The following ADAM12 variants were observed in gnomAD, a reference collection of about 807,000 sequenced individuals.
ADAM12 encodes ADAM metallopeptidase domain 12.
ADAM12 carries 70 observed loss-of-function variants against 106.4 expected under a neutral mutation model. That is an observed-to-expected ratio of 0.66 (90% CI 0.54 to 0.80). The LOEUF (loss-of-function observed/expected upper bound fraction) is 0.80. Among genes scored for constraint, ADAM12 ranks in the 30% least tolerant of loss-of-function variants. The pLI is 0.00. For missense variants in ADAM12, 1,010 were observed against 1,171.9 expected, an observed-to-expected ratio of 0.86 and a Z score of 2.02; for synonymous variants, 420 against 433.5, an observed-to-expected ratio of 0.97 and a Z score of 0.39.
intron 1 of ADAM12, among the ~76,000 whole-genome samples, 157 bp downstream of exon 1, chr10:126,387,901 G>C (rs1044918254): frequency 6.8e-6 from 1 of 146,146 alleles, no homozygotes; most frequent in African/African-American, 2.6e-5. Flanking sequence ...GGGGGGGGGG[G>C]TCGGTCTCGC....
At chr10:126,187,336 A>C (rs79857938) in intron 3 of ADAM12, among the ~76,000 whole-genome samples, 1 of 151,692 alleles carries the variant, frequency 6.6e-6, no homozygotes, top group Non-Finnish European at 1.5e-5. Context: ...TAAAAAAAAA[A>C]CAAATTTAAT....
intron 3 of ADAM12, among the ~76,000 whole-genome samples, chr10:126,213,314 G>A (rs975791930): frequency 9.2e-5 from 14 of 152,310 alleles, no homozygotes; most frequent in Admixed American, 9.2e-4. Context: ...GAGGGGATGT[G>A]CATATGGTTC....
intron 2 of ADAM12, among the ~76,000 whole-genome samples, chr10:126,319,832 A>G (rs984267486): frequency 3.3e-5 from 5 of 152,332 alleles, no homozygotes; most frequent in South Asian, 2.1e-4. Context: ...TTGTTCTTAT[A>G]TAAAAAGCTT....
Position 126,101,196 on chromosome 10 carries a change from C to A in ADAM12, c.787G>T (p.Val263Leu), listed in dbSNP as rs781010835. The A allele has an allele frequency of 5.8e-5, 94 of 1,614,100 alleles. No individual in the cohort carries two copies. The highest frequency in any genetic ancestry group is 7.6e-5 in the Non-Finnish European group (90 of 1,180,046). ...NIRIVLVGVE[V>L]WNDMDKCSVS... is the part of the protein sequence containing the mutation. ...GAGCATTTGTCCATGTCATTCCACA[C>A]TTCCACGCCTACCAACACGATCCGA... Residue 263 changes from valine (V) to leucine (L), a missense_variant, in exon 9 of 23, where the codon GTG becomes TTG. Physicochemically the swap from Val to Leu is conservative, Grantham distance 32. Around this residue, in one of 3 missense-constraint regions of ADAM12, gnomAD observed 391 missense variants for 442.9 expected, o/e 0.88. Coordinates refer to ENST00000448723, the MANE Select transcript of ADAM12 (RefSeq NM_001288973.2).
At chr10:126,214,941 C>A (rs1201554898) in intron 3 of ADAM12, among the ~76,000 whole-genome samples, 6 of 152,214 alleles carry the variant, frequency 3.9e-5, no homozygotes, top group Admixed American at 2.6e-4. Context: ...ACCTTGGTGA[C>A]TCTCATCCAC....
intron 2 of ADAM12, among the ~76,000 whole-genome samples, chr10:126,283,183 T>G (rs1212815624): frequency 6.6e-6 from 1 of 152,126 alleles, no homozygotes; most frequent in South Asian, 2.1e-4. Context: ...GAGGCGGAAC[T>G]CAGGCAGTGA....
At chr10:126,217,778 C>A (rs1281587600) in intron 3 of ADAM12, among the ~76,000 whole-genome samples, 1 of 151,296 alleles carries the variant, frequency 6.6e-6, no homozygotes, top group East Asian at 2.0e-4. Context: ...TCGAGACCAG[C>A]CTGGCCAACA....
chr10:126,296,952 G>C (rs1023943240), intron 2 of ADAM12, among the ~76,000 whole-genome samples: 7 of 152,234 alleles, frequency 4.6e-5, no homozygotes, highest in African/African-American at 1.7e-4. Context: ...CAAGCTGGTA[G>C]CTGCCAGGGG....
rs57968562 is a variant in ADAM12, at chr10:126,275,357, C to T, written c.260+3558G>A. On this transcript the variant is annotated intron_variant, in intron 3 of 22. Coordinates refer to ENST00000448723, the MANE Select transcript of ADAM12 (RefSeq NM_001288973.2). ...TCCATAGGCAGACAGCAATATTGTG[C>T]AAAATGCTTCTCAGGGGCTATACAA... 7.1e-3 allele frequency among the ~76,000 whole-genome samples: 1,077 copies of T among 152,218 alleles called. 16 individuals carry two copies. Among genetic ancestry groups the T allele is most frequent in the African/African-American group, 0.024 (987 of 41,500 alleles).
chr10:126,152,214 A>G (rs1342599924), intron 4 of ADAM12, among the ~76,000 whole-genome samples: 1 of 152,016 alleles, frequency 6.6e-6, no homozygotes, highest in Non-Finnish European at 1.5e-5. Context: ...TCAGTATTGA[A>G]AGCTTTTTTG....
chr10:126,188,751 T>G (rs962743145), intron 3 of ADAM12, among the ~76,000 whole-genome samples: 1 of 152,130 alleles, frequency 6.6e-6, no homozygotes, highest in African/African-American at 2.4e-5. Flanking sequence ...CAATTAATCA[T>G]TCATTATTTA....
chr10:126,273,933 A>G (rs565902513), intron 3 of ADAM12, among the ~76,000 whole-genome samples: 8 of 152,330 alleles, frequency 5.3e-5, no homozygotes, highest in African/African-American at 1.7e-4. Context: ...AGTGGAGAGA[A>G]TATCAGTAAC....
chr10:126,119,832 C>T (rs188219127), intron 5 of ADAM12, among the ~76,000 whole-genome samples: 86 of 152,302 alleles, frequency 5.6e-4, no homozygotes, highest in African/African-American at 1.9e-3. Context: ...TTCCTTCAAA[C>T]GATGGGAACC....
intron 4 of ADAM12, among the ~76,000 whole-genome samples, chr10:126,142,443 T>C (rs1248295392): frequency 6.6e-6 from 1 of 152,248 alleles, no homozygotes; most frequent in Non-Finnish European, 1.5e-5. Flanking sequence ...AGCATGTCCT[T>C]AAGGCACAGA....
intron 2 of ADAM12, among the ~76,000 whole-genome samples, chr10:126,286,920 T>C (rs1353209548): frequency 6.6e-6 from 1 of 152,186 alleles, no homozygotes; most frequent in African/African-American, 2.4e-5. Context: ...TGTTCAAACG[T>C]TGGATTATTT....
At chr10:126,165,590 C>T (rs894920908) in intron 3 of ADAM12, among the ~76,000 whole-genome samples, 1 of 152,204 alleles carries the variant, frequency 6.6e-6, no homozygotes, top group African/African-American at 2.4e-5. Context: ...CAAAGCCACA[C>T]AGCTGAGCCC....
At chr10:126,117,298 T>G (rs571144116) in intron 6 of ADAM12, among the ~76,000 whole-genome samples, 1 of 152,278 alleles carries the variant, frequency 6.6e-6, no homozygotes, top group South Asian at 2.1e-4. Context: ...ACTACACGTG[T>G]CAGGAAGGGA....
intron 19 of ADAM12, among the ~76,000 whole-genome samples, chr10:126,039,021 G>A (rs1954109969): frequency 7.0e-6 from 1 of 142,148 alleles, no homozygotes; most frequent in African/African-American, 2.6e-5. Flanking sequence ...GTGCAGTGGA[G>A]TGATCGCAAC....
At chr10:126,072,793 T>TA (rs1955023765) in intron 11 of ADAM12, among the ~76,000 whole-genome samples, 1 of 152,166 alleles carries the variant, frequency 6.6e-6, no homozygotes, top group South Asian at 2.1e-4. Context: ...TTTTATTACT[T>TA]AGAGAGGGAG....
Sources: gnomAD v4.1 joint callset for allele counts (sites outside exome capture counted in the v4.1 genomes callset) on GRCh38, gnomAD v4.1.1 for gene constraint, gnomAD v4.1.1 regional missense constraint, MANE v1.5 for transcripts, NCBI Gene and HGNC (gene_info 2026-07-23, HGNC 2026-07-21) for gene names.